COL8A1: variants seen among roughly 807,000 people sequenced by gnomAD.
The protein encoded by COL8A1 is collagen type VIII alpha 1 chain.
A neutral mutation model predicts 42.7 loss-of-function variants in COL8A1; 21 were observed. That is an observed-to-expected ratio of 0.49 (90% CI 0.35 to 0.71). COL8A1 has a LOEUF of 0.71. COL8A1 is among the 30% of genes least tolerant of loss of function. The pLI is 0.01. For synonymous variants in COL8A1, 367 were observed against 369.1 expected (o/e 0.99, Z 0.06); for missense variants, 788 against 962.4 (o/e 0.82, Z 2.40).
intron 1 of COL8A1, among the ~76,000 whole-genome samples, chr3:99,697,232 C>G (rs1015027765): frequency 4.0e-5 from 6 of 151,760 alleles, no homozygotes; most frequent in African/African-American, 1.5e-4. Flanking sequence ...GTGATCCGCC[C>G]GCCTCGGCCT....
rs1340153130 is a variant in COL8A1 at position 99,795,978 on chromosome 3, A to C, written c.2077A>C (p.Lys693Gln). The change falls in exon 4 of 4, where the codon AAA becomes CAA. Residue 693 changes from lysine (K) to glutamine (Q), a missense_variant. By Grantham distance (53) the Lys-to-Gln change is moderately conservative. Transcript: ENST00000652472. Reference protein sequence around the residue: ...EPVMYTYDEYKKGFLDQASGS... With the variant: ...EPVMYTYDEYQKGFLDQASGS... ...CGTGATGTACACGTACGACGAGTAC[A>C]AAAAGGGCTTCCTGGACCAGGCATC... 1.2e-6 allele frequency: 2 copies of C among 1,613,900 alleles called. No individual in the cohort carries two copies. The highest frequency in any genetic ancestry group is 1.7e-6 in the Non-Finnish European group (2 of 1,179,948).
At chr3:99,662,848 A>G (rs1009492712) in intron 1 of COL8A1, among the ~76,000 whole-genome samples, 1 of 152,146 alleles carries the variant, frequency 6.6e-6, no homozygotes, top group East Asian at 1.9e-4. Context: ...CCCTGTGTGC[A>G]TATTTGTCTC....
At chr3:99,693,445 G>T (rs1466251732) in intron 1 of COL8A1, among the ~76,000 whole-genome samples, 3 of 152,226 alleles carry the variant, frequency 2.0e-5, no homozygotes, top group Non-Finnish European at 2.9e-5. Flanking sequence ...AGTGGGACAA[G>T]ATGTGAAGAT....
At chr3:99,676,980 G>C (rs1446884375) in intron 1 of COL8A1, among the ~76,000 whole-genome samples, 1 of 151,854 alleles carries the variant, frequency 6.6e-6, no homozygotes. Flanking sequence ...CACTTTGGGA[G>C]GCCAAGGCAG....
intron 1 of COL8A1, chr3:99,691,280 A>G (rs1418038384): frequency 6.6e-6 from 1 of 152,226 alleles, no homozygotes; most frequent in African/African-American, 2.4e-5. Context: ...CAGAAGCCAT[A>G]TGAGAGATGT....
At chr3:99,643,653 C>G (rs576695837) in intron 1 of COL8A1, among the ~76,000 whole-genome samples, 1 of 152,202 alleles carries the variant, frequency 6.6e-6, no homozygotes, top group African/African-American at 2.4e-5. Context: ...TTTGGGAAAT[C>G]TAGAAGAGTT....
At chr3:99,746,834 A>G (rs1941036779) in intron 2 of COL8A1, among the ~76,000 whole-genome samples, 1 of 152,234 alleles carries the variant, frequency 6.6e-6, no homozygotes, top group African/African-American at 2.4e-5. Context: ...TAAGTTTGTC[A>G]GTGAAAATAA....
intron 1 of COL8A1, among the ~76,000 whole-genome samples, chr3:99,670,720 C>T (rs1938516785): frequency 6.6e-6 from 1 of 151,956 alleles, no homozygotes; most frequent in African/African-American, 2.4e-5. Context: ...AAACCTCTTC[C>T]TCCTGTCTGT....
chr3:99,650,542 C>T (rs994864409), intron 1 of COL8A1, among the ~76,000 whole-genome samples: 6 of 152,066 alleles, frequency 3.9e-5, no homozygotes, highest in Non-Finnish European at 7.4e-5. Context: ...TCAAGTTATT[C>T]TCCTGCCTCA....
intron 1 of COL8A1, among the ~76,000 whole-genome samples, chr3:99,694,518 G>T (rs1308582844): frequency 6.6e-6 from 1 of 152,038 alleles, no homozygotes; most frequent in African/African-American, 2.4e-5. Context: ...GGTGCCATGT[G>T]CACGCTTTGA....
chr3:99,702,739 G>C (rs2107348197), intron 1 of COL8A1, among the ~76,000 whole-genome samples: 1 of 152,316 alleles, frequency 6.6e-6, no homozygotes, highest in African/African-American at 2.4e-5. Flanking sequence ...CCTTCATGAA[G>C]CTCACATTCT....
intron 1 of COL8A1, among the ~76,000 whole-genome samples, chr3:99,659,108 C>T (rs935735860): frequency 6.6e-6 from 1 of 152,186 alleles, no homozygotes; most frequent in Non-Finnish European, 1.5e-5. Context: ...AAAGCAGATG[C>T]CTTTCCCTGA....
chr3:99,741,088 C>T (rs914614886), intron 1 of COL8A1, among the ~76,000 whole-genome samples: 13 of 152,170 alleles, frequency 8.5e-5, no homozygotes, highest in African/African-American at 2.7e-4. Context: ...TATACTCTCA[C>T]TTAACCCAAC....
chr3:99,773,733 C>T (rs1941626935), intron 2 of COL8A1, among the ~76,000 whole-genome samples: 1 of 143,572 alleles, frequency 7.0e-6, no homozygotes, highest in Admixed American at 7.2e-5. Flanking sequence ...ACCACTATGC[C>T]TGCATTGATA....
At chr3:99,653,432 G>T (rs1487985165) in intron 1 of COL8A1, among the ~76,000 whole-genome samples, 1 of 151,734 alleles carries the variant, frequency 6.6e-6, no homozygotes. Context: ...ATTGTTCTTT[G>T]TTTATACCAA....
chr3:99,697,319 A>T (rs1181849339), intron 1 of COL8A1, among the ~76,000 whole-genome samples: 3 of 152,214 alleles, frequency 2.0e-5, no homozygotes, highest in Non-Finnish European at 4.4e-5. Flanking sequence ...ACTTGAGTGT[A>T]TATTTCAGCT....
At chr3:99,767,012 G>A (rs965837586) in intron 2 of COL8A1, among the ~76,000 whole-genome samples, 31 of 151,382 alleles carry the variant, frequency 2.0e-4, no homozygotes, top group African/African-American at 7.5e-4. Context: ...TCACAAATTT[G>A]TATAAAGCAT....
At position 99,649,357 on chromosome 3, in the gene COL8A1, T is replaced by A. The variant is rs578091941; in HGVS notation, c.-129+10693T>A. ...TGCAACCTCAATGCTTGGCACATAA[T>A]AAGGGCTTAATAAATGTGAAAAGAA... On this transcript the variant is annotated intron_variant, in intron 1 of 3. Coordinates refer to ENST00000652472, the MANE Select transcript of COL8A1 (RefSeq NM_020351.4). Among the ~76,000 whole-genome samples the A allele has an allele frequency of 1.4e-4, 22 of 152,134 alleles. No individual in the cohort carries two copies. The South Asian group carries it at 4.2e-3, about 29-fold the overall frequency.
intron 2 of COL8A1, among the ~76,000 whole-genome samples, chr3:99,751,395 T>C (rs1368205801): frequency 6.6e-6 from 1 of 152,064 alleles, no homozygotes; most frequent in Admixed American, 6.6e-5. Context: ...CTGCCTCTAC[T>C]ACAAATACAA....
Sources: gnomAD v4.1 joint callset for allele counts (sites outside exome capture counted in the v4.1 genomes callset) on GRCh38, gnomAD v4.1.1 for gene constraint, MANE v1.5 for transcripts, NCBI Gene and HGNC (gene_info 2026-07-23, HGNC 2026-07-21) for gene names.